The following VPS13B variants were observed in gnomAD, a reference collection of about 807,000 sequenced individuals.
VPS13B encodes vacuolar protein sorting 13 homolog B.
Under a neutral mutation model 426.4 loss-of-function variants are expected in VPS13B, and 285 were observed. That is an observed-to-expected ratio of 0.67 (90% CI 0.61 to 0.74). The LOEUF is 0.74. Among genes scored for constraint, VPS13B ranks in the 30% least tolerant of loss-of-function variants. The probability of loss-of-function intolerance (pLI) is 0.00; values close to 1 mark genes in which losing one functional copy is unlikely to be tolerated. For missense variants in VPS13B, 4,537 were observed against 4,782.6 expected (o/e 0.95, Z 1.51); for synonymous variants, 1,676 against 1,676.4 (o/e 1.00, Z 0.01).
chr8:99,821,160 A>ACC, intron 49 of VPS13B, 134 bp from the exon 50 acceptor site: 1 of 624,742 alleles, frequency 1.6e-6, no homozygotes, highest in African/African-American at 2.0e-5. Flanking sequence ...ACACACACAC[A>ACC]CACACACCAT....
intron 35 of VPS13B, among the ~76,000 whole-genome samples, chr8:99,698,734 C>T (rs2130170222): frequency 1.3e-5 from 2 of 151,146 alleles, no homozygotes; most frequent in South Asian, 4.2e-4. Context: ...AGATGTGTGA[C>T]ATGCTCTGTC....
At chr8:99,588,156 G>A (rs1826406797) in intron 33 of VPS13B, among the ~76,000 whole-genome samples, 1 of 151,604 alleles carries the variant, frequency 6.6e-6, no homozygotes, top group Admixed American at 6.6e-5. Flanking sequence ...ATTTCTGAGG[G>A]CTCTTTTCTG....
At chr8:99,033,755 G>T (rs1444943169) in intron 2 of VPS13B, among the ~76,000 whole-genome samples, 2 of 151,962 alleles carry the variant, frequency 1.3e-5, no homozygotes. Flanking sequence ...AATTAGCTGG[G>T]TGTGGTGGTG....
At chr8:99,661,831 A>C (rs1830238332) in intron 35 of VPS13B, among the ~76,000 whole-genome samples, 1 of 152,158 alleles carries the variant, frequency 6.6e-6, no homozygotes, top group African/African-American at 2.4e-5. Context: ...TCTTACCTGT[A>C]TATGAAGAGG....
chr8:99,835,482 C>T, intron 53 of VPS13B, 57 bp from the exon 54 acceptor site: 1 of 1,562,206 alleles, frequency 6.4e-7, no homozygotes, highest in South Asian at 1.1e-5. Context: ...TATGTTCTGT[C>T]CCCCAAGTCT....
intron 19 of VPS13B, among the ~76,000 whole-genome samples, chr8:99,301,041 C>T (rs1175118623): frequency 6.6e-6 from 1 of 151,420 alleles, no homozygotes; most frequent in African/African-American, 2.4e-5. Flanking sequence ...ATGGTGAAAC[C>T]CCATCTCTAC....
chr8:99,867,395 G>A (rs999102111), intron 58 of VPS13B, among the ~76,000 whole-genome samples: 2 of 152,222 alleles, frequency 1.3e-5, no homozygotes, highest in Admixed American at 6.5e-5. Flanking sequence ...GGAGATGGAT[G>A]CCCTGTGCTA....
chr8:99,530,578 C>T (rs563396952), intron 30 of VPS13B, among the ~76,000 whole-genome samples: 144 of 149,610 alleles, frequency 9.6e-4, no homozygotes, highest in African/African-American at 3.3e-3. Flanking sequence ...CATGCCACTG[C>T]ACTCCAGCCT....
intron 21 of VPS13B, chr8:99,429,455 T>A (rs1816965103): frequency 1.3e-5 from 2 of 152,200 alleles, no homozygotes; most frequent in Non-Finnish European, 2.9e-5. Flanking sequence ...TCTATTTTTT[T>A]ATAGTCGTTT....
rs1458481634 is a variant in VPS13B, at chr8:99,642,544, T to C, written c.5908+46T>C. 3 of 1,496,502 alleles carry C rather than the reference T, an allele frequency of 2.0e-6. No homozygotes were observed. In the East Asian group the frequency reaches 7.1e-5, roughly 35 times the overall value. The allele number at this position is 1,496,502 out of a possible 1,614,324, so 92.7% of individuals were successfully genotyped here. Reference sequence around the variant, plus strand: ...TGGAGTGCTAATAATTACTATCTAATAAGTTGTATTCCCATAGTTTCCAGA... The same window carrying C: ...TGGAGTGCTAATAATTACTATCTAACAAGTTGTATTCCCATAGTTTCCAGA... On this transcript the variant is annotated intron_variant, in intron 34 of 61. Transcript: ENST00000357162.
At chr8:99,437,421 A>G (rs932033352) in intron 22 of VPS13B, among the ~76,000 whole-genome samples, 2 of 151,702 alleles carry the variant, frequency 1.3e-5, no homozygotes, top group Non-Finnish European at 2.9e-5. Flanking sequence ...AAATATATAT[A>G]TATATGAACT....
chr8:99,625,763 C>T (rs1180310300), intron 33 of VPS13B, among the ~76,000 whole-genome samples: 1 of 152,034 alleles, frequency 6.6e-6, no homozygotes, highest in Non-Finnish European at 1.5e-5. Context: ...GGAGGATCAC[C>T]TGAGCCCAGG....
Position 99,189,672 on chromosome 8 carries a change from T to C in VPS13B, c.2334-3204T>C, listed in dbSNP as rs544021020. Among the ~76,000 whole-genome samples, 127 of 152,326 alleles carry C rather than the reference T, an allele frequency of 8.3e-4. 1 individual carries two copies. Among genetic ancestry groups the C allele is most frequent in the African/African-American group, 2.9e-3 (121 of 41,592 alleles). On this transcript the variant is annotated intron_variant, in intron 16 of 61. Transcript: ENST00000357162. ...TCAGTGTCCTTTTCTAATATTGTTT[T>C]ATAATTTTTCAAAATTGTTATTTTT...
chr8:99,789,081 A>G (rs1388392487), intron 43 of VPS13B, among the ~76,000 whole-genome samples: 1 of 152,106 alleles, frequency 6.6e-6, no homozygotes, highest in Non-Finnish European at 1.5e-5. Context: ...AAAGTTCTCC[A>G]ATTTTTGTTT....
chr8:99,415,007 A>G (rs1815915845), intron 21 of VPS13B, among the ~76,000 whole-genome samples: 1 of 152,152 alleles, frequency 6.6e-6, no homozygotes, highest in African/African-American at 2.4e-5. Flanking sequence ...CTATTTTCCA[A>G]CTTGGTTCCA....
At chr8:99,797,578 T>A (rs942567509) in intron 43 of VPS13B, among the ~76,000 whole-genome samples, 3 of 152,160 alleles carry the variant, frequency 2.0e-5, no homozygotes, top group Admixed American at 6.5e-5. Flanking sequence ...CAATATACTG[T>A]CAATTCAGTT....
chr8:99,529,814 C>CT (rs372372626), intron 30 of VPS13B, among the ~76,000 whole-genome samples: 1 of 152,312 alleles, frequency 6.6e-6, no homozygotes, highest in African/African-American at 2.4e-5. Flanking sequence ...TGCTCAACAC[C>CT]TGTCATAGTG....
At chr8:99,584,357 A>C (rs575154208) in intron 33 of VPS13B, among the ~76,000 whole-genome samples, 1 of 152,298 alleles carries the variant, frequency 6.6e-6, no homozygotes, top group South Asian at 2.1e-4. Flanking sequence ...GAAGACAATA[A>C]AATTTTAAAA....
At chr8:99,324,547 A>T (rs1158958741) in intron 19 of VPS13B, among the ~76,000 whole-genome samples, 1 of 152,196 alleles carries the variant, frequency 6.6e-6, no homozygotes, top group East Asian at 1.9e-4. Flanking sequence ...GTATCAAAGC[A>T]GCTCTGCCTT....
Sources: allele counts gnomAD v4.1 joint callset (sites outside exome capture counted in the v4.1 genomes callset), GRCh38; gene constraint gnomAD v4.1.1; transcripts MANE v1.5; gene names NCBI Gene and HGNC (gene_info 2026-07-23, HGNC 2026-07-21).